ATXN7L1: variants seen among roughly 807,000 people sequenced by gnomAD.
ATXN7L1 encodes ataxin-7-like protein 1.
Under a neutral mutation model 70.8 loss-of-function variants are expected in ATXN7L1, and 15 were observed. The observed-to-expected ratio is 0.21, with a 90% CI of 0.14 to 0.33. ATXN7L1 has a LOEUF of 0.33. Among genes scored for constraint, ATXN7L1 ranks in the 10% least tolerant of loss-of-function variants. The pLI, the probability that ATXN7L1 is intolerant of heterozygous loss-of-function variation, is 1.00. For missense variants in ATXN7L1, 975 were observed against 1,097.1 expected (o/e 0.89, Z 1.57); for synonymous variants, 440 against 445.1 (o/e 0.99, Z 0.14).
chr7:105,761,541 A>G lies in ATXN7L1; in HGVS notation c.355+27063T>C, dbSNP rs1008666792. The G allele has an allele frequency of 2.6e-6, 4 of 1,562,842 alleles. No homozygotes were observed. The African/African-American group carries it at 4.1e-5, about 16-fold the overall frequency. The stretch of plus-strand genomic sequence containing the variant: ...CCTTTGGAAATTATATTTGTAAATG[A>G]TTACTCATGCCAATTGCCATGTTTC... On this transcript the variant is annotated intron_variant, in intron 3 of 11. Coordinates refer to ENST00000419735, the MANE Select transcript of ATXN7L1 (RefSeq NM_020725.2).
chr7:105,774,434 C>G (rs2116447495), intron 3 of ATXN7L1, among the ~76,000 whole-genome samples: 1 of 151,450 alleles, frequency 6.6e-6, no homozygotes, highest in East Asian at 1.9e-4. Context: ...TCACTGAAAC[C>G]TCCACCTCCC....
chr7:105,860,865 C>A (rs1298664767), intron 2 of ATXN7L1, among the ~76,000 whole-genome samples: 1 of 152,198 alleles, frequency 6.6e-6, no homozygotes, highest in Admixed American at 6.5e-5. Context: ...TTTCCTCCAC[C>A]TTGCCTCCAG....
chr7:105,857,626 GAGA>G (rs1815927260), intron 2 of ATXN7L1, among the ~76,000 whole-genome samples: 1 of 152,206 alleles, frequency 6.6e-6, no homozygotes, highest in South Asian at 2.1e-4. Flanking sequence ...TGAAAGGTGG[GAGA>G]AGGATTATTT....
intron 3 of ATXN7L1, among the ~76,000 whole-genome samples, chr7:105,750,745 G>A (rs1337124337): frequency 6.6e-6 from 1 of 152,180 alleles, no homozygotes; most frequent in African/African-American, 2.4e-5. Context: ...GGAGGTTGCA[G>A]TGAGCCAAGA....
intron 3 of ATXN7L1, among the ~76,000 whole-genome samples, chr7:105,704,786 T>G (rs906621856): frequency 6.6e-6 from 1 of 151,734 alleles, no homozygotes; most frequent in African/African-American, 2.4e-5. Flanking sequence ...AATTTTTGTA[T>G]TTTTAGTAGA....
intron 3 of ATXN7L1, among the ~76,000 whole-genome samples, chr7:105,682,098 A>G (rs570506407): frequency 3.2e-4 from 49 of 152,056 alleles, no homozygotes; most frequent in African/African-American, 1.1e-3. Context: ...GGTGGTGTGC[A>G]CCTGTAGTCC....
At chr7:105,633,961 G>A (rs940577689) in intron 7 of ATXN7L1, among the ~76,000 whole-genome samples, 5 of 152,114 alleles carry the variant, frequency 3.3e-5, no homozygotes, top group Admixed American at 3.3e-4. Context: ...AGGGAGTTCC[G>A]CATCATTTCC....
chr7:105,733,540 ACCCATCCATCCATCCACCCATCCATCC>A (rs1796855699), intron 3 of ATXN7L1, among the ~76,000 whole-genome samples: 1 of 131,480 alleles, frequency 7.6e-6, no homozygotes, highest in Non-Finnish European at 1.6e-5. Flanking sequence ...CCATCCATCC[ACCCATCCATCCATCCACCCATCCATCC>A]TTCCATCCAT....
chr7:105,752,736 T>C (rs1799354157), intron 3 of ATXN7L1, among the ~76,000 whole-genome samples: 1 of 152,116 alleles, frequency 6.6e-6, no homozygotes, highest in South Asian at 2.1e-4. Flanking sequence ...TTTCCTAAGG[T>C]CCTAAAATGT....
chr7:105,767,654 T>C lies in ATXN7L1; in HGVS notation c.355+20950A>G, dbSNP rs6962592. On this transcript the variant is annotated intron_variant, in intron 3 of 11. Coordinates refer to ENST00000419735, the MANE Select transcript of ATXN7L1 (RefSeq NM_020725.2). ...GAGACAGGTACTATTATTACCCCCA[T>C]TTTGAGCTTGATGAAATTGAGGCAC... 1.1e-3 allele frequency among the ~76,000 whole-genome samples: 160 copies of C among 152,214 alleles called. 1 individual carries two copies. Among genetic ancestry groups the C allele is most frequent in the African/African-American group, 3.8e-3 (156 of 41,458 alleles).
At chr7:105,723,534 A>AGGTTAAG (rs1347898935) in intron 3 of ATXN7L1, among the ~76,000 whole-genome samples, 5 of 152,302 alleles carry the variant, frequency 3.3e-5, no homozygotes, top group South Asian at 2.1e-4. Context: ...AAGACTCAAC[A>AGGTTAAG]GATCCTGAAT....
At chr7:105,842,188 G>A (rs1186672964) in intron 2 of ATXN7L1, among the ~76,000 whole-genome samples, 1 of 101,650 alleles carries the variant, frequency 9.8e-6, no homozygotes, top group Non-Finnish European at 2.0e-5. Context: ...AACCATTAAA[G>A]TAGAAGGGTT....
At chr7:105,680,108 C>T (rs1281059916) in intron 3 of ATXN7L1, among the ~76,000 whole-genome samples, 1 of 151,040 alleles carries the variant, frequency 6.6e-6, no homozygotes, top group African/African-American at 2.4e-5. Flanking sequence ...ACCTTTAAGA[C>T]ACAAAAGTAT....
At chr7:105,656,576 C>CTTTTTTT (rs10690416) in intron 4 of ATXN7L1, among the ~76,000 whole-genome samples, 10 of 139,926 alleles carry the variant, frequency 7.1e-5, no homozygotes, top group Non-Finnish European at 1.1e-4. Context: ...CTTCTTCTTC[C>CTTTTTTT]TTTTTTTTTT....
chr7:105,685,550 G>C (rs1806081258), intron 3 of ATXN7L1, among the ~76,000 whole-genome samples: 1 of 152,196 alleles, frequency 6.6e-6, no homozygotes. Flanking sequence ...CAGAGCCAAA[G>C]CTGGCTTATA....
chr7:105,629,381 T>C (rs998072112), intron 7 of ATXN7L1, among the ~76,000 whole-genome samples: 5 of 151,870 alleles, frequency 3.3e-5, no homozygotes, highest in African/African-American at 1.2e-4. Context: ...CTCTGTCTGA[T>C]TTCACTTAGC....
intron 3 of ATXN7L1, among the ~76,000 whole-genome samples, chr7:105,754,579 G>A (rs1799586288): frequency 6.6e-6 from 1 of 152,024 alleles, no homozygotes; most frequent in Admixed American, 6.5e-5. Context: ...TCCCACCTCA[G>A]CCTGCTGAGT....
intron 3 of ATXN7L1, among the ~76,000 whole-genome samples, chr7:105,769,518 C>T (rs1241270580): frequency 6.6e-6 from 1 of 152,130 alleles, no homozygotes; most frequent in Non-Finnish European, 1.5e-5. Flanking sequence ...TTTAGTCCCC[C>T]GAGCACAGGA....
At chr7:105,735,548 G>C (rs997603871) in intron 3 of ATXN7L1, among the ~76,000 whole-genome samples, 1 of 152,122 alleles carries the variant, frequency 6.6e-6, no homozygotes, top group Admixed American at 6.5e-5. Context: ...TGATTTTATG[G>C]AAAAATTTCA....
Sources: gnomAD v4.1 joint callset for allele counts (sites outside exome capture counted in the v4.1 genomes callset) on GRCh38, gnomAD v4.1.1 for gene constraint, MANE v1.5 for transcripts, NCBI Gene and HGNC (gene_info 2026-07-23, HGNC 2026-07-21) for gene names.